SLC11A2: variants seen among roughly 807,000 people sequenced by gnomAD.
SLC11A2 encodes the protein solute carrier family 11 member 2, also known as natural resistance-associated macrophage protein 2.
SLC11A2 carries 38 observed loss-of-function variants against 68.0 expected under a neutral mutation model. That is an observed-to-expected ratio of 0.56 (90% CI 0.43 to 0.73). The LOEUF is 0.73. SLC11A2 is among the 30% of genes least tolerant of loss of function. The pLI, the probability that SLC11A2 is intolerant of heterozygous loss-of-function variation, is 0.00. For synonymous variants in SLC11A2, 242 were observed against 250.6 expected, an observed-to-expected ratio of 0.97 and a Z score of 0.32; for missense variants, 517 against 690.5, an observed-to-expected ratio of 0.75 and a Z score of 2.82.
At chr12:50,954,629 G>A in the SLC11A2 span, among the ~76,000 whole-genome samples, 4 of 152,142 alleles carry the variant, frequency 2.6e-5, no homozygotes, top group East Asian at 7.8e-4. Flanking sequence ...GGGAGGCCGA[G>A]GTGGGAGGAT....
rs746236652 is a variant in SLC11A2, at chr12:50,990,839, C to T, written c.1531G>A (p.Ala511Thr). 2.4e-5 allele frequency: 38 copies of T among 1,613,980 alleles called. No homozygotes were observed. The highest frequency in any genetic ancestry group is 3.2e-5 in the Non-Finnish European group (38 of 1,180,006). The change falls in exon 15 of 16, where the codon GCT (alanine) becomes ACT (threonine). Residue 511 changes from alanine to threonine, a missense_variant. Coordinates refer to ENST00000262052, the MANE Select transcript of SLC11A2 (RefSeq NM_000617.3). The part of the protein sequence containing the change: ...DLGHVALYVV[A>T]AVVSVAYLGF... ...AGATAAGCCACGCTGACCACAGCAG[C>T]CACCACATATAATGCCACATGCCCT...
chr12:50,987,548 A>T lies in SLC11A2; in HGVS notation c.*777T>A. 7.8e-7 allele frequency: 1 copy of T among 1,287,242 alleles called. No individual in the cohort carries two copies. Among genetic ancestry groups the T allele is most frequent in the Non-Finnish European group, 1.0e-6 (1 of 988,694 alleles). 79.7% of individuals were successfully genotyped at this position (1,287,242 alleles called of 1,614,324 possible). A position where few individuals can be genotyped will look rare whatever the true frequency, so the allele number is the denominator to read the frequency against. On this transcript the variant is annotated 3_prime_UTR_variant, in exon 16 of 16. Transcript: ENST00000262052. Reference sequence around the variant, plus strand: ...GGTTTTACAACCACATGTGCTCAAGAGTAAATATCATCAGGAAAGCTCTGT... The same window carrying T: ...GGTTTTACAACCACATGTGCTCAAGTGTAAATATCATCAGGAAAGCTCTGT...
At chr12:50,999,492 C>G in intron 6 of SLC11A2, 77 bp from the exon 7 acceptor site, 1 of 1,189,054 alleles carries the variant, frequency 8.4e-7, no homozygotes. Context: ...TTCCCAACAG[C>G]TCTCCAGATA....
At chr12:50,957,599 T>C in the SLC11A2 span, among the ~76,000 whole-genome samples, 1 of 151,096 alleles carries the variant, frequency 6.6e-6, no homozygotes. Context: ...AAAAACATAA[T>C]ACCAACCAGG....
At chr12:50,991,338 G>A (rs986210056) in intron 14 of SLC11A2, 14 of 556,350 alleles carry the variant, frequency 2.5e-5, no homozygotes, top group Non-Finnish European at 4.2e-5. Context: ...AAGAATTAAG[G>A]TGCCTCAAAC....
chr12:50,960,952 C>A, the SLC11A2 span: 2 of 1,550,582 alleles, frequency 1.3e-6, no homozygotes, highest in Non-Finnish European at 1.7e-6. Context: ...ATAACCCATA[C>A]TTTTAAAATT....
Position 51,005,395 on chromosome 12 carries a change from TCCGGTGAAAG to T in SLC11A2, c.215_224del (p.Ala72AspfsTer6). ...AGGCAATGCTCATAAGAAAACCTGG[TCCGGTGAAAG>T]CCCAGAGTTTACGAAAGCTAAAACA... On this transcript the variant is annotated frameshift_variant, in exon 4 of 16. Transcript: ENST00000262052. LOFTEE classifies it high-confidence loss of function. 6.2e-7 allele frequency: 1 copy of T among 1,613,908 alleles called. No individual in the cohort carries two copies. The highest frequency in any genetic ancestry group is 8.5e-7 in the Non-Finnish European group (1 of 1,179,900).
the SLC11A2 span, among the ~76,000 whole-genome samples, chr12:50,962,418 A>C: frequency 4.0e-5 from 6 of 150,242 alleles, no homozygotes; most frequent in Non-Finnish European, 8.9e-5. Flanking sequence ...TCTAAAAAAA[A>C]GCCAGGCACG....
At chr12:51,025,946 C>CGTA in intron 1 of SLC11A2, 1 of 999,156 alleles carries the variant, frequency 1.0e-6, no homozygotes, top group Non-Finnish European at 1.2e-6. Flanking sequence ...GCCCGTCGGC[C>CGTA]TCTTTCGAGG....
the SLC11A2 span, among the ~76,000 whole-genome samples, chr12:50,971,245 C>A: frequency 5.3e-5 from 8 of 150,912 alleles, no homozygotes; most frequent in Non-Finnish European, 8.8e-5. Context: ...CCAAATAGGG[C>A]AAAGTAATTA....
At chr12:51,000,287 T>A (rs764085352) in intron 6 of SLC11A2, 26 bp downstream of exon 6, 1 of 1,499,980 alleles carries the variant, frequency 6.7e-7, no homozygotes, top group South Asian at 1.1e-5. Context: ...AAAACACTGA[T>A]GACTTTCTAG....
chr12:51,011,411 AGC>A (rs1274392114), intron 1 of SLC11A2, among the ~76,000 whole-genome samples: 1 of 152,076 alleles, frequency 6.6e-6, no homozygotes, highest in African/African-American at 2.4e-5. Flanking sequence ...TATAGGCATG[AGC>A]CAACGCACCT....
upstream of SLC11A2, among the ~76,000 whole-genome samples, chr12:51,027,584 C>T (rs928512942): frequency 3.3e-5 from 5 of 152,098 alleles, no homozygotes; most frequent in Non-Finnish European, 5.9e-5. Flanking sequence ...CCCACTCTAT[C>T]GCCAGTTTCA....
the SLC11A2 span, among the ~76,000 whole-genome samples, chr12:50,953,044 C>T: frequency 2.0e-5 from 3 of 152,164 alleles, no homozygotes; most frequent in Admixed American, 6.5e-5. Flanking sequence ...GCCCAGGCTG[C>T]TACTGGTGAG....
chr12:50,979,591 G>A, downstream of SLC11A2: 1 of 302,898 alleles, frequency 3.3e-6, no homozygotes. Flanking sequence ...TCAAGTAAAA[G>A]CGTAAAACTG....
At chr12:50,988,575 G>A in intron 15 of SLC11A2, 140 bp from the exon 16 acceptor site, 1 of 1,384,680 alleles carries the variant, frequency 7.2e-7, no homozygotes, top group East Asian at 2.5e-5. Flanking sequence ...GGTTGCACAA[G>A]TCATTCTCTC....
rs537992222 is a variant in SLC11A2, at chr12:50,999,072, T to C, written c.675+102A>G. On this transcript the variant is annotated intron_variant, in intron 8 of 15. Transcript: ENST00000262052. ...TTTTTGTTGATACACCCACTATAAG[T>C]GAATCATACTAGCATTATTACTGTC... 3.0e-6 allele frequency: 3 copies of C among 1,007,826 alleles called. No homozygotes were observed. The Admixed American group carries it at 6.6e-5, about 22-fold the overall frequency. The allele number at this position is 1,007,826 out of a possible 1,614,324, so 62.4% of individuals were successfully genotyped here.
intron 1 of SLC11A2, among the ~76,000 whole-genome samples, chr12:51,012,168 A>T (rs753821232): frequency 6.6e-6 from 1 of 152,174 alleles, no homozygotes; most frequent in Non-Finnish European, 1.5e-5. Flanking sequence ...GTGGGATGCC[A>T]GCCTTTGTCT....
intron 1 of SLC11A2, among the ~76,000 whole-genome samples, chr12:51,018,966 C>A (rs575749701): frequency 1.3e-5 from 2 of 151,872 alleles, no homozygotes; most frequent in Admixed American, 6.6e-5. Context: ...TTTTTCATCA[C>A]CTTCCTCATC....
Sources: allele counts gnomAD v4.1 joint callset (sites outside exome capture counted in the v4.1 genomes callset), GRCh38; gene constraint gnomAD v4.1.1; transcripts MANE v1.5; gene names NCBI Gene and HGNC (gene_info 2026-07-23, HGNC 2026-07-21).